TXLNA: variants seen among roughly 807,000 people sequenced by gnomAD.
TXLNA encodes alpha-taxilin.
TXLNA carries 9 observed loss-of-function variants against 61.4 expected under a neutral mutation model. The ratio of observed to expected loss-of-function variants is 0.15; its 90% CI spans 0.09 to 0.26. The LOEUF is 0.26. Ranked by LOEUF, TXLNA falls within the 10% of genes least tolerant of loss-of-function variation. The pLI is 1.00. For synonymous variants in TXLNA, 257 were observed against 267.7 expected (o/e 0.96, Z 0.39); for missense variants, 565 against 688.8 (o/e 0.82, Z 2.01).
intron 4 of TXLNA, among the ~76,000 whole-genome samples, chr1:32,187,488 G>A (rs1360564564): frequency 6.6e-6 from 1 of 152,196 alleles, no homozygotes; most frequent in Non-Finnish European, 1.5e-5. Context: ...GGCCACAAAT[G>A]AGAAAAGTAA....
At chr1:32,180,263 C>CT in intron 1 of TXLNA, 51 bp from the exon 2 acceptor site, 1 of 1,476,566 alleles carries the variant, frequency 6.8e-7, no homozygotes, top group South Asian at 1.4e-5. Flanking sequence ...CTGATCCAGG[C>CT]TGCGAAGAAT....
chr1:32,192,151 C>G lies in TXLNA; in HGVS notation c.964-160C>G, dbSNP rs572348517. On this transcript the variant is annotated intron_variant, in intron 6 of 10. Coordinates refer to ENST00000373610, the MANE Select transcript of TXLNA (RefSeq NM_175852.4). This position sits in a 1 kb window ranked among gnomAD's most constrained non-coding sequence, Gnocchi z 4.2. ...AACGACGTGAGGTTGGAAAGCTGAC[C>G]TTCCAGAGACTTGGGGCCCATGTTG... is the stretch of plus-strand genomic sequence containing the variant. Among the ~76,000 whole-genome samples the G allele has an allele frequency of 6.6e-5, 10 of 152,332 alleles. No homozygotes were observed. The South Asian group carries it at 1.9e-3, about 28-fold the overall frequency.
chr1:32,184,874 C>T (rs113742718), intron 4 of TXLNA, among the ~76,000 whole-genome samples: 8 of 152,270 alleles, frequency 5.3e-5, no homozygotes, highest in African/African-American at 1.9e-4. Context: ...GGCCTGAGTC[C>T]AAGACACCTT....
Position 32,188,033 on chromosome 1 carries a change from AC to A in TXLNA, c.679del (p.Leu227CysfsTer47). On this transcript the variant is annotated frameshift_variant, in exon 5 of 11. Transcript: ENST00000373610. LOFTEE classifies it high-confidence loss of function. Reference protein sequence around the residue: ...KQSQLVQEKDHLRGEHSKAVL... With the variant: ...KQSQLVQEKDXLRGEHSKAVL... The stretch of plus-strand genomic sequence containing the variant: ...AGCCAGCTGGTGCAAGAGAAGGACC[AC>A]CTGCGCGGTGAGCACAGCAAGGCCG... 1 of 1,611,106 alleles carries A rather than the reference AC, an allele frequency of 6.2e-7. No homozygotes were observed. The highest frequency in any genetic ancestry group is 8.5e-7 in the Non-Finnish European group (1 of 1,178,686).
At chr1:32,180,165 G>T (rs1642621713) in intron 1 of TXLNA, 149 bp from the exon 2 acceptor site, 2 of 791,854 alleles carry the variant, frequency 2.5e-6, no homozygotes, top group African/African-American at 1.8e-5. Context: ...CTCCTGACCC[G>T]CCAAGACCAG....
intron 3 of TXLNA, among the ~76,000 whole-genome samples, chr1:32,182,891 C>T (rs1642697430): frequency 6.6e-6 from 1 of 151,136 alleles, no homozygotes; most frequent in African/African-American, 2.4e-5. Flanking sequence ...CATGGTGAAA[C>T]CCCAGTTCTA....
At position 32,188,143 on chromosome 1, in the gene TXLNA, G is replaced by A. The variant is rs376877752; in HGVS notation, c.768+19G>A. 2.0e-4 allele frequency: 307 copies of A among 1,527,278 alleles called. No homozygotes were observed. The highest frequency in any genetic ancestry group is 1.0e-3 in the Middle Eastern group (5 of 4,944). The allele number at this position is 1,527,278 out of a possible 1,614,324, so 94.6% of individuals were successfully genotyped here. ...CCTCAAGGTAGGCCTGGGCCCCCTG[G>A]AACAGGTGACTCTGGTTTCCTTGAC... On this transcript the variant is annotated intron_variant, in intron 5 of 10. Coordinates refer to ENST00000373610, the MANE Select transcript of TXLNA (RefSeq NM_175852.4).
chr1:32,186,885 C>G (rs774097792), intron 4 of TXLNA, among the ~76,000 whole-genome samples: 1 of 152,220 alleles, frequency 6.6e-6, no homozygotes, highest in East Asian at 1.9e-4. Context: ...AGATACACAT[C>G]AGCTTTTGAA....
chr1:32,185,267 G>C (rs1642755934), intron 4 of TXLNA, among the ~76,000 whole-genome samples: 1 of 152,184 alleles, frequency 6.6e-6, no homozygotes, highest in Admixed American at 6.5e-5. Context: ...TTGTTCAGTG[G>C]GTTGGGGGTG....
intron 4 of TXLNA, among the ~76,000 whole-genome samples, chr1:32,186,230 G>A (rs1642786856): frequency 6.6e-6 from 1 of 152,196 alleles, no homozygotes; most frequent in Admixed American, 6.5e-5. Flanking sequence ...GTGAGTAGAG[G>A]AGGGGAGCTG....
chr1:32,190,035 G>T lies in TXLNA; in HGVS notation c.769-20G>T. On this transcript the variant is annotated intron_variant, in intron 5 of 10. Transcript: ENST00000373610. ...GAGGTAGCAGTGGATGATGGCTCTCGGGCTGACTTCTTTGCCCAGGAAGAA... is the reference window on the plus strand; with the variant it reads ...GAGGTAGCAGTGGATGATGGCTCTCTGGCTGACTTCTTTGCCCAGGAAGAA... 1 of 1,543,924 alleles carries T rather than the reference G, an allele frequency of 6.5e-7. No homozygotes were observed. The highest frequency in any genetic ancestry group is 2.4e-5 in the East Asian group (1 of 42,296).
Position 32,197,978 on chromosome 1 carries a change from C to T in TXLNA, c.*2783C>T, listed in dbSNP as rs1643061364. The T allele has an allele frequency of 1.3e-5, 2 of 152,538 alleles. No individual in the cohort carries two copies. The allele number at this position is 152,538 out of a possible 1,614,324, so 9.4% of individuals were successfully genotyped here. Reference sequence around the variant, plus strand: ...CTGACCCGGAGGCCAGTGGAGCTGCCTGGTGTCCACGGGGGAGGGCCAAGG... The same window carrying T: ...CTGACCCGGAGGCCAGTGGAGCTGCTTGGTGTCCACGGGGGAGGGCCAAGG... On this transcript the variant is annotated 3_prime_UTR_variant, in exon 11 of 11. Coordinates refer to ENST00000373610, the MANE Select transcript of TXLNA (RefSeq NM_175852.4). This position sits in a 1 kb window ranked among gnomAD's most constrained non-coding sequence, Gnocchi z 4.6.
In TXLNA at chr1:32,197,709, G is replaced by T. The variant is rs1365917247; in HGVS notation, c.*2514G>T. Reference sequence around the variant, plus strand: ...GCTTTTCCTCCAGGGGACCACAGCAGGTGAAGCTCAAGAGCGCATGGCTCT... The same window carrying T: ...GCTTTTCCTCCAGGGGACCACAGCATGTGAAGCTCAAGAGCGCATGGCTCT... On this transcript the variant is annotated 3_prime_UTR_variant, in exon 11 of 11. Transcript: ENST00000373610. This position sits in a 1 kb window ranked among gnomAD's most constrained non-coding sequence, Gnocchi z 4.6. 2 of 152,288 alleles carry T rather than the reference G, an allele frequency of 1.3e-5. No individual in the cohort carries two copies. The highest frequency in any genetic ancestry group is 2.9e-5 in the Non-Finnish European group (2 of 68,078). The allele number at this position is 152,288 out of a possible 1,614,324, so 9.4% of individuals were successfully genotyped here. A position where few individuals can be genotyped will look rare whatever the true frequency, so the allele number is the denominator to read the frequency against.
At chr1:32,193,933 A>T (rs1226741757) in intron 9 of TXLNA, 132 bp from the exon 10 acceptor site, 1 of 651,912 alleles carries the variant, frequency 1.5e-6, no homozygotes, top group Non-Finnish European at 2.7e-6. Context: ...CATTGACTGC[A>T]TCCTGTAATG....
chr1:32,188,038 C>G lies in TXLNA; in HGVS notation c.682C>G (p.Arg228Gly). ...GCTGGTGCAAGAGAAGGACCACCTGCGCGGTGAGCACAGCAAGGCCGTCCT... is the reference window on the plus strand; with the variant it reads ...GCTGGTGCAAGAGAAGGACCACCTGGGCGGTGAGCACAGCAAGGCCGTCCT... The part of the protein sequence containing the change: ...SQLVQEKDHL[R>G]GEHSKAVLAR... Residue 228 changes from arginine (R) to glycine (G), a missense_variant, in exon 5 of 11, where the codon CGC becomes GGC. By Grantham distance (125) the Arg-to-Gly change is moderately radical (BLOSUM62 -2). This residue lies in a region of TXLNA where 373 missense variants were observed against 504.0 expected (regional missense o/e 0.74). Coordinates refer to ENST00000373610, the MANE Select transcript of TXLNA (RefSeq NM_175852.4). The G allele has an allele frequency of 6.2e-7, 1 of 1,609,706 alleles. No homozygotes were observed. Among genetic ancestry groups the G allele is most frequent in the Non-Finnish European group, 8.5e-7 (1 of 1,177,994 alleles).
intron 10 of TXLNA, 46 bp downstream of exon 10, chr1:32,194,206 C>A: frequency 6.7e-7 from 1 of 1,494,164 alleles, no homozygotes; most frequent in Non-Finnish European, 9.3e-7. Flanking sequence ...GTGCACTTAG[C>A]GCATATCAGG....
Position 32,184,623 on chromosome 1 carries a change from T to TC in TXLNA, c.597+13dup, listed in dbSNP as rs1460579199. The TC allele has an allele frequency of 3.1e-6, 5 of 1,589,816 alleles. No homozygotes were observed. The highest frequency in any genetic ancestry group is 1.1e-5 in the South Asian group (1 of 89,928). ...CAAGAAGTATGCTGAACTGGTCAGT[T>TC]CCCCCCTCCGCGGGCACCTTCCCTG... On this transcript the variant is annotated splice_region_variant and intron_variant, in intron 4 of 10. Coordinates refer to ENST00000373610, the MANE Select transcript of TXLNA (RefSeq NM_175852.4).
chr1:32,184,707 G>T, intron 4 of TXLNA, 91 bp downstream of exon 4: 1 of 804,890 alleles, frequency 1.2e-6, no homozygotes, highest in Non-Finnish European at 2.0e-6. Flanking sequence ...TCAAGTAGGT[G>T]GCTTAATTCC....
In TXLNA at chr1:32,195,143, C is replaced by G. The variant is rs1642990589; in HGVS notation, c.1589C>G (p.Thr530Arg). The G allele has an allele frequency of 6.2e-7, 1 of 1,613,438 alleles. No individual in the cohort carries two copies. Among genetic ancestry groups the G allele is most frequent in the African/African-American group, 1.3e-5 (1 of 74,900 alleles). The change falls in exon 11 of 11, where the codon ACA becomes AGA. Residue 530 changes from threonine to arginine, a missense_variant. Thr to Arg is a moderately conservative substitution (Grantham distance 71). Coordinates refer to ENST00000373610, the MANE Select transcript of TXLNA (RefSeq NM_175852.4). Reference sequence around the variant, plus strand: ...CCTTGCTACCCAGGAGCACCGAGCACAGAAGCATCAGGCCAGACTGGGCCT... The same window carrying G: ...CCTTGCTACCCAGGAGCACCGAGCAGAGAAGCATCAGGCCAGACTGGGCCT... ...EAPCYPGAPS[T>R]EASGQTGPQE...
Sources: gnomAD v4.1 joint callset for allele counts (sites outside exome capture counted in the v4.1 genomes callset) on GRCh38, gnomAD v4.1.1 for gene constraint, gnomAD v4.1.1 regional missense constraint, Gnocchi (gnomAD v3.1) non-coding constraint, MANE v1.5 for transcripts, NCBI Gene and HGNC (gene_info 2026-07-23, HGNC 2026-07-21) for gene names.